Variants in HNF1B observed in about 807,000 individuals in gnomAD.
HNF1B encodes the protein hepatocyte nuclear factor 1-beta.
A neutral mutation model predicts 61.7 loss-of-function variants in HNF1B; 8 were observed. The ratio of observed to expected loss-of-function variants is 0.13; its 90% confidence interval spans 0.08 to 0.23. The LOEUF (loss-of-function observed/expected upper bound fraction) is 0.23, where lower values mean the gene tolerates loss of function less well. HNF1B is among the 10% of genes least tolerant of loss of function. The probability of loss-of-function intolerance (pLI) is 1.00; values close to 1 mark genes in which losing one functional copy is unlikely to be tolerated. For synonymous variants in HNF1B, 314 were observed against 287.7 expected, an observed-to-expected ratio of 1.09 and a Z score of -0.93; for missense variants, 562 against 714.5, an observed-to-expected ratio of 0.79 and a Z score of 2.43.
At chr17:37,705,679 AT>A (rs1270550593) in intron 5 of HNF1B, among the ~76,000 whole-genome samples, 1 of 152,028 alleles carries the variant, frequency 6.6e-6, no homozygotes, top group Admixed American at 6.6e-5. Flanking sequence ...TTCCTCATTG[AT>A]TTTTTTCCAA....
intron 1 of HNF1B, among the ~76,000 whole-genome samples, chr17:37,742,919 C>T (rs1421806070): frequency 6.6e-6 from 1 of 151,766 alleles, no homozygotes; most frequent in African/African-American, 2.4e-5. Context: ...ATCTCCTTCC[C>T]CCCTCTAAGC....
At chr17:37,708,038 C>G (rs2032809783) in intron 5 of HNF1B, among the ~76,000 whole-genome samples, 1 of 152,180 alleles carries the variant, frequency 6.6e-6, no homozygotes, top group Non-Finnish European at 1.5e-5. Context: ...CACACCAACC[C>G]TATGACGTAG....
chr17:37,703,763 A>G, intron 6 of HNF1B, among the ~76,000 whole-genome samples: 1 of 152,208 alleles, frequency 6.6e-6, no homozygotes, highest in East Asian at 1.9e-4. Context: ...AGCTAAGGAT[A>G]GAGTGAGAGC....
At chr17:37,743,792 G>A (rs1055520916) in intron 1 of HNF1B, among the ~76,000 whole-genome samples, 2 of 152,228 alleles carry the variant, frequency 1.3e-5, no homozygotes, top group African/African-American at 2.4e-5. Context: ...TGGGCAGCGA[G>A]GTCTGGAAAC....
Position 37,739,289 on chromosome 17 carries a change from C to T in HNF1B, c.544+151G>A. 3 of 761,438 alleles carry T rather than the reference C, an allele frequency of 3.9e-6. 1 individual carries two copies. The highest frequency in any genetic ancestry group is 1.5e-5 in the South Asian group (1 of 68,164). 47.2% of individuals were successfully genotyped at this position (761,438 alleles called of 1,614,324 possible). On this transcript the variant is annotated intron_variant, in intron 2 of 8. Transcript: ENST00000617811. ...TGACAGAAGCCAATCCATTGTACAG[C>T]AACCACCAAGGCCAAATCTACTTGC...
intron 7 of HNF1B, among the ~76,000 whole-genome samples, chr17:37,699,625 C>T (rs549583951): frequency 1.2e-3 from 176 of 152,314 alleles, no homozygotes; most frequent in Admixed American, 2.4e-3. Flanking sequence ...CTCTGACTAT[C>T]CCACCCAGGC....
chr17:37,707,495 A>G (rs1476280643), intron 5 of HNF1B, among the ~76,000 whole-genome samples: 2 of 152,152 alleles, frequency 1.3e-5, no homozygotes, highest in African/African-American at 4.8e-5. Flanking sequence ...TCCTTACATG[A>G]TAATTTGGAG....
intron 1 of HNF1B, among the ~76,000 whole-genome samples, chr17:37,742,371 G>C (rs2034019275): frequency 6.6e-6 from 1 of 152,194 alleles, no homozygotes; most frequent in Non-Finnish European, 1.5e-5. Context: ...TTCTCTTCCA[G>C]GAGGTTTACT....
chr17:37,739,441 T>C lies in HNF1B; in HGVS notation c.543A>G (p.Arg181=). The C allele has an allele frequency of 1.2e-6, 2 of 1,614,032 alleles. No homozygotes were observed. Among genetic ancestry groups the C allele is most frequent in the Non-Finnish European group, 8.5e-7 (1 of 1,179,960 alleles). Residue 181 remains arginine, a splice_region_variant and synonymous_variant, in exon 2 of 9, where the codon CGA becomes CGG. Transcript: ENST00000617811. Reference sequence around the variant, plus strand: ...CAGAGGCAGGATGAAAACACTTACGTCGGAGGATCTCTCGTTGCTTTCTGA... The same window carrying C: ...CAGAGGCAGGATGAAAACACTTACGCCGGAGGATCTCTCGTTGCTTTCTGA... The part of the protein sequence containing the change: ...WYVRKQREIL[R]QFNQTVQSSG...
intron 4 of HNF1B, among the ~76,000 whole-genome samples, chr17:37,719,131 T>C (rs1312194733): frequency 1.3e-5 from 2 of 151,262 alleles, no homozygotes; most frequent in South Asian, 2.1e-4. Context: ...ATTATTATTA[T>C]TGTTATTATT....
chr17:37,687,209 G>C lies in HNF1B; in HGVS notation c.*163C>G. On this transcript the variant is annotated 3_prime_UTR_variant, in exon 9 of 9. Coordinates refer to ENST00000617811, the MANE Select transcript of HNF1B (RefSeq NM_000458.4). The stretch of plus-strand genomic sequence containing the variant: ...CTGGGCTTCGGGCTGCGCCTCCTGA[G>C]AGTGGATTGTCTGAGGTGCCAGCAG... The C allele has an allele frequency of 8.9e-7, 1 of 1,125,844 alleles. No homozygotes were observed. The highest frequency in any genetic ancestry group is 1.3e-6 in the Non-Finnish European group (1 of 761,254). 69.7% of individuals were successfully genotyped at this position (1,125,844 alleles called of 1,614,324 possible). A position where few individuals can be genotyped will look rare whatever the true frequency, so the allele number is the denominator to read the frequency against.
intron 1 of HNF1B, among the ~76,000 whole-genome samples, chr17:37,743,017 GAAAT>G: frequency 6.6e-6 from 1 of 152,260 alleles, no homozygotes; most frequent in South Asian, 2.1e-4. Flanking sequence ...ATGATTTATA[GAAAT>G]AAATTAATAA....
intron 4 of HNF1B, among the ~76,000 whole-genome samples, chr17:37,728,452 A>G (rs749727046): frequency 1.0e-3 from 156 of 151,532 alleles, no homozygotes; most frequent in Non-Finnish European, 1.5e-3. Context: ...GACTACAGGC[A>G]CCCGCCACCA....
chr17:37,706,287 G>A (rs890824548), intron 5 of HNF1B, among the ~76,000 whole-genome samples: 4 of 152,108 alleles, frequency 2.6e-5, no homozygotes, highest in Non-Finnish European at 5.9e-5. Context: ...TTATTATGAA[G>A]AAAGGACTGG....
At chr17:37,735,101 C>G (rs993280260) in intron 2 of HNF1B, among the ~76,000 whole-genome samples, 1 of 152,050 alleles carries the variant, frequency 6.6e-6, no homozygotes, top group Non-Finnish European at 1.5e-5. Context: ...TGATGACTTT[C>G]TTTCTCAGTT....
intron 5 of HNF1B, among the ~76,000 whole-genome samples, chr17:37,707,875 A>G (rs1015143358): frequency 2.0e-5 from 3 of 152,088 alleles, no homozygotes; most frequent in Non-Finnish European, 4.4e-5. Flanking sequence ...AGGGGCAGAC[A>G]GTACAACAGA....
At chr17:37,723,980 T>G (rs2033409720) in intron 4 of HNF1B, among the ~76,000 whole-genome samples, 2 of 152,202 alleles carry the variant, frequency 1.3e-5, no homozygotes, top group Admixed American at 1.3e-4. Context: ...TGGGTCTGCC[T>G]CCATAGCCTG....
chr17:37,721,085 G>A (rs1427068089), intron 4 of HNF1B: 1 of 291,658 alleles, frequency 3.4e-6, no homozygotes, highest in Non-Finnish European at 5.1e-6. Context: ...TGGGTGCCAA[G>A]CAGGAAGAGG....
intron 3 of HNF1B, among the ~76,000 whole-genome samples, chr17:37,733,106 A>G (rs961474370): frequency 1.2e-4 from 19 of 152,212 alleles, no homozygotes; most frequent in African/African-American, 4.3e-4. Context: ...CAATTGGTAG[A>G]GGCCAGATCT....
Sources: gnomAD v4.1 joint callset for allele counts (sites outside exome capture counted in the v4.1 genomes callset) on GRCh38, gnomAD v4.1.1 for gene constraint, MANE v1.5 for transcripts, NCBI Gene and HGNC (gene_info 2026-07-23, HGNC 2026-07-21) for gene names.